Variants in EIF4G3 observed in about 807,000 individuals in gnomAD.
EIF4G3 encodes eIF-4-gamma 3.
In EIF4G3, 34 loss-of-function variants were observed where a neutral mutation model predicts 186.4. That is an observed-to-expected ratio of 0.18 (90% CI 0.14 to 0.24). EIF4G3 has a LOEUF of 0.24. Ranked by LOEUF, EIF4G3 falls within the 10% of genes least tolerant of loss-of-function variation. The pLI, the probability that EIF4G3 is intolerant of heterozygous loss-of-function variation, is 1.00. For synonymous variants in EIF4G3, 673 were observed against 679.5 expected (o/e 0.99, Z 0.15); for missense variants, 1,536 against 1,948.5 (o/e 0.79, Z 3.99).
chr1:20,982,267 G>GA lies in EIF4G3; in HGVS notation c.198+120dup, dbSNP rs951269752. Reference sequence around the variant, plus strand: ...TTTTCACTGCAAGATTAAAAGCCTTGAAACAATATACCAATAGTAAATTTC... The same window carrying GA: ...TTTTCACTGCAAGATTAAAAGCCTTGAAAACAATATACCAATAGTAAATTTC... On this transcript the variant is annotated intron_variant, in intron 8 of 36. Coordinates refer to ENST00000602326, the MANE Select transcript of EIF4G3 (RefSeq NM_001391906.1). 3.0e-5 allele frequency: 22 copies of GA among 745,384 alleles called. No individual in the cohort carries two copies. In the Admixed American group the frequency reaches 4.8e-4, roughly 16 times the overall value. 46.2% of individuals were successfully genotyped at this position (745,384 alleles called of 1,614,324 possible).
At chr1:20,938,045 G>A (rs1456024963) in intron 14 of EIF4G3, among the ~76,000 whole-genome samples, 1 of 151,732 alleles carries the variant, frequency 6.6e-6, no homozygotes, top group Non-Finnish European at 1.5e-5. Flanking sequence ...TGCCTAGGCT[G>A]GAGTGAAGTG....
chr1:20,993,610 C>T (rs1268818229), intron 7 of EIF4G3, among the ~76,000 whole-genome samples: 1 of 152,100 alleles, frequency 6.6e-6, no homozygotes, highest in Non-Finnish European at 1.5e-5. Flanking sequence ...CATCCAACAA[C>T]AAATTCCTTC....
intron 20 of EIF4G3, among the ~76,000 whole-genome samples, chr1:20,869,489 A>T (rs1170352340): frequency 6.6e-6 from 1 of 151,828 alleles, no homozygotes; most frequent in Non-Finnish European, 1.5e-5. Context: ...AATGTGAAGT[A>T]AATAGGCCGG....
chr1:20,978,240 A>G (rs923753104), intron 10 of EIF4G3, among the ~76,000 whole-genome samples: 1 of 152,212 alleles, frequency 6.6e-6, no homozygotes, highest in Non-Finnish European at 1.5e-5. Flanking sequence ...GGATTACACA[A>G]GGAATACTTC....
chr1:21,124,164 G>A (rs1417381505), intron 2 of EIF4G3, among the ~76,000 whole-genome samples: 1 of 151,984 alleles, frequency 6.6e-6, no homozygotes, highest in East Asian at 1.9e-4. Flanking sequence ...GGTCGTGGGC[G>A]CCTGTAATCC....
intron 14 of EIF4G3, chr1:20,941,209 C>CA (rs779879934): frequency 1.3e-6 from 2 of 1,513,978 alleles, no homozygotes; most frequent in South Asian, 2.6e-5. Flanking sequence ...ATGAATGAGG[C>CA]AATAGCAACA....
chr1:20,809,817 T>C (rs936051678), intron 36 of EIF4G3, among the ~76,000 whole-genome samples: 4 of 152,238 alleles, frequency 2.6e-5, no homozygotes, highest in Non-Finnish European at 4.4e-5. Flanking sequence ...AAGTATAGAA[T>C]TGCCACATGT....
At chr1:21,176,586 C>G (rs1004219912) in intron 1 of EIF4G3, 136 bp downstream of exon 1, 3 of 162,772 alleles carry the variant, frequency 1.8e-5, no homozygotes, top group African/African-American at 7.5e-5. Context: ...CCGCCGCCGC[C>G]GCCGCCTCCG....
At chr1:21,021,433 G>A (rs1487297848) in intron 4 of EIF4G3, among the ~76,000 whole-genome samples, 4 of 152,146 alleles carry the variant, frequency 2.6e-5, no homozygotes, top group African/African-American at 7.2e-5. Flanking sequence ...CTCAGACAAT[G>A]AGCAGATTAT....
intron 14 of EIF4G3, among the ~76,000 whole-genome samples, chr1:20,920,902 A>G (rs563232866): frequency 1.8e-4 from 28 of 152,340 alleles, no homozygotes; most frequent in African/African-American, 6.5e-4. Flanking sequence ...TAAAGTCCCA[A>G]TATTATTTTC....
intron 3 of EIF4G3, among the ~76,000 whole-genome samples, chr1:21,060,923 CATTT>C (rs1250848083): frequency 6.6e-6 from 1 of 152,032 alleles, no homozygotes; most frequent in Admixed American, 6.6e-5. Context: ...TTCATTCATT[CATTT>C]AACATATATT....
intron 15 of EIF4G3, among the ~76,000 whole-genome samples, chr1:20,902,446 T>C (rs551359176): frequency 1.2e-4 from 18 of 152,090 alleles, no homozygotes; most frequent in Non-Finnish European, 2.2e-4. Context: ...AAACAAATTA[T>C]TTTAAAAGCT....
At chr1:21,129,041 G>C (rs1040282318) in intron 2 of EIF4G3, among the ~76,000 whole-genome samples, 1 of 152,098 alleles carries the variant, frequency 6.6e-6, no homozygotes, top group Non-Finnish European at 1.5e-5. Flanking sequence ...CTGGCCGGGC[G>C]GGGTAGCTCA....
chr1:20,947,399 C>T (rs781068313), intron 13 of EIF4G3, among the ~76,000 whole-genome samples: 1 of 150,966 alleles, frequency 6.6e-6, no homozygotes, highest in South Asian at 2.1e-4. Context: ...AAACCATTTT[C>T]TCTGAAAAAA....
At chr1:20,828,979 T>C (rs565132726) in intron 31 of EIF4G3, among the ~76,000 whole-genome samples, 168 bp downstream of exon 31, 2 of 152,270 alleles carry the variant, frequency 1.3e-5, no homozygotes, top group South Asian at 2.1e-4. Flanking sequence ...GGTGTAGACC[T>C]AGCATAAGGT....
chr1:21,128,068 G>A (rs946240529), intron 2 of EIF4G3, among the ~76,000 whole-genome samples: 13 of 152,096 alleles, frequency 8.5e-5, no homozygotes, highest in East Asian at 3.9e-4. Flanking sequence ...TTAGCCGGGC[G>A]TGGTGGCGGG....
intron 16 of EIF4G3, among the ~76,000 whole-genome samples, chr1:20,895,753 C>A (rs1337011780): frequency 6.6e-6 from 1 of 152,106 alleles, no homozygotes; most frequent in Non-Finnish European, 1.5e-5. Flanking sequence ...TGCTGCCAGT[C>A]ATTTAAAAGT....
chr1:21,142,388 T>C (rs1489209272), intron 2 of EIF4G3, among the ~76,000 whole-genome samples: 1 of 147,922 alleles, frequency 6.8e-6, no homozygotes, highest in Non-Finnish European at 1.5e-5. Flanking sequence ...GTGCCTGCAG[T>C]CCCAGCTACT....
intron 4 of EIF4G3, among the ~76,000 whole-genome samples, chr1:21,018,779 T>C (rs956255491): frequency 6.6e-6 from 1 of 152,074 alleles, no homozygotes; most frequent in African/African-American, 2.4e-5. Flanking sequence ...TGTCACCTGG[T>C]TCTCTCATCA....
Sources: gnomAD v4.1 joint callset for allele counts (sites outside exome capture counted in the v4.1 genomes callset) on GRCh38, gnomAD v4.1.1 for gene constraint, MANE v1.5 for transcripts, NCBI Gene and HGNC (gene_info 2026-07-23, HGNC 2026-07-21) for gene names.